The following CCDC57 variants were observed in gnomAD, a reference collection of about 807,000 sequenced individuals.
The protein encoded by CCDC57 is coiled-coil domain-containing protein 57.
In CCDC57, 118 loss-of-function variants were observed where a neutral mutation model predicts 118.9. That is an observed-to-expected ratio of 0.99 (90% CI 0.86 to 1.16). CCDC57 has a LOEUF of 1.16. Among genes scored for constraint, CCDC57 ranks in the 50% most tolerant of loss-of-function variants. CCDC57 has a pLI of 0.00. For missense variants in CCDC57, 1,300 were observed against 1,320.7 expected, an observed-to-expected ratio of 0.98 and a Z score of 0.24; for synonymous variants, 527 against 532.9, an observed-to-expected ratio of 0.99 and a Z score of 0.15.
At chr17:82,120,133 A>G (rs922016604) in intron 19 of CCDC57, among the ~76,000 whole-genome samples, 3 of 151,944 alleles carry the variant, frequency 2.0e-5, no homozygotes, top group African/African-American at 4.8e-5. Context: ...ATGCCACTAA[A>G]TTGTTAACTA....
chr17:82,171,921 ACCAGCTCAGGGAGCCGATG>A, intron 12 of CCDC57, 68 bp from the exon 12 acceptor site: 1 of 1,542,168 alleles, frequency 6.5e-7, no homozygotes, highest in Non-Finnish European at 8.8e-7. Flanking sequence ...TCCTGTGAGC[ACCAGCTCAGGGAGCCGATG>A]CCAGCTCATG....
At position 82,188,205 on chromosome 17, in the gene CCDC57, A is replaced by G. The variant is rs752729153; in HGVS notation, c.1052+14T>C. 11 of 1,537,156 alleles carry G rather than the reference A, an allele frequency of 7.2e-6. No homozygotes were observed. The South Asian group carries it at 1.1e-4, about 15-fold the overall frequency. Reference sequence around the variant, plus strand: ...CTGCCCTCACCCTCTGGGTGGAGCCAAGCACACGCTCACTGGTCAATGGCA... The same window carrying G: ...CTGCCCTCACCCTCTGGGTGGAGCCGAGCACACGCTCACTGGTCAATGGCA... On this transcript the variant is annotated intron_variant, in intron 8 of 19. Transcript: ENST00000665763.
intron 11 of CCDC57, among the ~76,000 whole-genome samples, chr17:82,174,522 C>T (rs1414978673): frequency 6.6e-6 from 1 of 152,228 alleles, no homozygotes; most frequent in Non-Finnish European, 1.5e-5. Flanking sequence ...GGGCTCCTTA[C>T]CCAACCCCCT....
chr17:82,147,753 T>G (rs1352938810), intron 16 of CCDC57, among the ~76,000 whole-genome samples: 2 of 103,578 alleles, frequency 1.9e-5, no homozygotes, highest in South Asian at 3.5e-4. Context: ...GGTAGATGGA[T>G]GGATGGATGG....
chr17:82,101,943 C>G, intron 19 of CCDC57, 77 bp from the exon 19 acceptor site: 2 of 1,355,746 alleles, frequency 1.5e-6, no homozygotes, highest in South Asian at 1.5e-5. Flanking sequence ...AGGCACTGCA[C>G]AGGTGCAGCA....
chr17:82,122,203 C>G (rs1050068373), intron 19 of CCDC57, among the ~76,000 whole-genome samples: 1 of 152,246 alleles, frequency 6.6e-6, no homozygotes, highest in African/African-American at 2.4e-5. Flanking sequence ...GGCTCTCAGC[C>G]TGGATGCTGA....
At chr17:82,129,620 GC>G (rs1384535294) in intron 17 of CCDC57, among the ~76,000 whole-genome samples, 2 of 152,156 alleles carry the variant, frequency 1.3e-5, no homozygotes, top group East Asian at 1.9e-4. Context: ...GATGCTCACT[GC>G]CCCCCGGGCT....
chr17:82,201,554 G>C, exon 3 of CCDC57: 1 of 1,607,886 alleles, frequency 6.2e-7, no homozygotes, highest in Non-Finnish European at 8.5e-7. Context: ...ACGCGCTCCA[G>C]CTCCAGGCGA....
At chr17:82,171,748 G>A (rs763622261) in exon 13 of CCDC57, 2 of 1,613,876 alleles carry the variant, frequency 1.2e-6, no homozygotes, top group Non-Finnish European at 1.7e-6. Context: ...CTCAGCATGA[G>A]GTGAGGACAT....
chr17:82,208,317 C>T (rs1001652195), intron 1 of CCDC57, among the ~76,000 whole-genome samples: 3 of 152,128 alleles, frequency 2.0e-5, no homozygotes, highest in African/African-American at 4.8e-5. Context: ...AATGCAGTGG[C>T]GCGATCTTGG....
intron 16 of CCDC57, among the ~76,000 whole-genome samples, chr17:82,136,671 C>A (rs776599654): frequency 1.3e-5 from 2 of 151,612 alleles, no homozygotes; most frequent in Non-Finnish European, 2.9e-5. Flanking sequence ...AATCGCGGCT[C>A]ACTGCAGCCT....
intron 16 of CCDC57, among the ~76,000 whole-genome samples, chr17:82,146,235 T>C (rs1466937056): frequency 6.6e-6 from 1 of 152,208 alleles, no homozygotes; most frequent in Non-Finnish European, 1.5e-5. Context: ...GATATGTTTG[T>C]CACAGCTGGC....
At chr17:82,151,121 C>G (rs529430900) in intron 16 of CCDC57, among the ~76,000 whole-genome samples, 72 of 140,958 alleles carry the variant, frequency 5.1e-4, no homozygotes, top group African/African-American at 1.9e-3. Context: ...ACACCCAGAA[C>G]CAGGCGCACA....
chr17:82,107,340 T>A, intron 19 of CCDC57: 1 of 443,524 alleles, frequency 2.3e-6, no homozygotes. Flanking sequence ...GCACAGTGGC[T>A]TGGCACCCGG....
intron 11 of CCDC57, among the ~76,000 whole-genome samples, chr17:82,174,494 T>C (rs1430096692): frequency 6.6e-6 from 1 of 152,210 alleles, no homozygotes; most frequent in Non-Finnish European, 1.5e-5. Flanking sequence ...ACTGACCCCT[T>C]AATTTACAAG....
At chr17:82,152,864 G>A (rs1037914583) in intron 15 of CCDC57, among the ~76,000 whole-genome samples, 18 of 152,334 alleles carry the variant, frequency 1.2e-4, no homozygotes, top group Admixed American at 9.1e-4. Context: ...CAGTGCCTCC[G>A]GGCATGTGCC....
rs561394375 is a variant in CCDC57, at chr17:82,132,476, C to T, written c.2577+1597G>A. On this transcript the variant is annotated intron_variant, in intron 17 of 19. Transcript: ENST00000665763. ...GAATTCGGGACTGGCTCTGAGGTTA[C>T]GGAAAATTAGCAAGGAACACACATA... Among the ~76,000 whole-genome samples the T allele has an allele frequency of 7.3e-4, 111 of 152,112 alleles. 2 individuals are homozygous for T. The highest frequency in any genetic ancestry group is 2.0e-3 in the African/African-American group (83 of 41,438).
exon 4 of CCDC57, chr17:82,198,393 CGGT>C (rs778177474): frequency 6.2e-7 from 1 of 1,612,480 alleles, no homozygotes. Flanking sequence ...ATACTGTTCC[CGGT>C]GGTGGTCAAT....
rs267605097 is a variant in CCDC57, at chr17:82,113,752, G to C, written c.2900-11886C>G. ...GTTCGAGACCAGCCTGGGTGACATA[G>C]TGAGACCCCATTTCTACAAAAAAAT... On this transcript the variant is annotated intron_variant, in intron 19 of 19. Coordinates refer to ENST00000665763, the Ensembl canonical transcript of CCDC57. The C allele has an allele frequency of 2.1e-5, 14 of 682,714 alleles. No homozygotes were observed. The Admixed American group carries it at 2.9e-4, about 14-fold the overall frequency. The allele number at this position is 682,714 out of a possible 1,614,324, so 42.3% of individuals were successfully genotyped here. A position where few individuals can be genotyped will look rare whatever the true frequency, so the allele number is the denominator to read the frequency against.
Sources: allele counts gnomAD v4.1 joint callset (sites outside exome capture counted in the v4.1 genomes callset), GRCh38; gene constraint gnomAD v4.1.1; transcripts MANE v1.5; gene names NCBI Gene and HGNC (gene_info 2026-07-23, HGNC 2026-07-21).